Variants in FAHD2B observed in about 807,000 individuals in gnomAD.
The protein encoded by FAHD2B is oxaloacetate tautomerase FAHD2B, mitochondrial.
In FAHD2B, 26 loss-of-function variants were observed where a neutral mutation model predicts 33.7. The observed-to-expected ratio is 0.77, with a 90% CI of 0.57 to 1.07. The LOEUF (loss-of-function observed/expected upper bound fraction) is 1.07, where lower values mean the gene tolerates loss of function less well. Ranked by LOEUF, FAHD2B falls within the 50% of genes least tolerant of loss-of-function variation. The pLI, the probability that FAHD2B is intolerant of heterozygous loss-of-function variation, is 0.00. For synonymous variants in FAHD2B, 108 were observed against 150.9 expected, an observed-to-expected ratio of 0.72 and a Z score of 2.08; for missense variants, 272 against 388.1, an observed-to-expected ratio of 0.70 and a Z score of 2.51.
At chr2:97,093,144 G>A (rs2032453474) in intron 1 of FAHD2B, among the ~76,000 whole-genome samples, 1 of 152,008 alleles carries the variant, frequency 6.6e-6, no homozygotes, top group Non-Finnish European at 1.5e-5. Context: ...AACAAAGGCA[G>A]TTTGTATTGT....
Position 97,091,724 on chromosome 2 carries a change from A to AAC in FAHD2B, c.-6-14_-6-13dup. The AAC allele has an allele frequency of 6.2e-7, 1 of 1,602,004 alleles. No homozygotes were observed. The highest frequency in any genetic ancestry group is 8.5e-7 in the Non-Finnish European group (1 of 1,172,150). On this transcript the variant is annotated splice_polypyrimidine_tract_variant and intron_variant, in intron 2 of 8. Coordinates refer to ENST00000414820, the MANE Select transcript of FAHD2B (RefSeq NM_001320848.2). ...ACCAGCATCAGAGCCTGCAGAGAAA[A>AAC]ACACAGGATCCAGGAGATGGAGGAT...
At chr2:97,080,440 G>T (rs1465818771), downstream of FAHD2B, among the ~76,000 whole-genome samples, 1 of 151,962 alleles carries the variant, frequency 6.6e-6, no homozygotes, top group Non-Finnish European at 1.5e-5. Flanking sequence ...TGTTCCATTG[G>T]TCTATGTGTC....
Position 97,083,993 on chromosome 2 carries a change from G to C in FAHD2B, c.837C>G (p.Thr279=), listed in dbSNP as rs113222096. 5.6e-6 allele frequency: 9 copies of C among 1,613,806 alleles called. No individual in the cohort carries two copies. The South Asian group carries it at 9.9e-5, about 18-fold the overall frequency. The change falls in exon 8 of 9, where the codon ACC becomes ACG. Residue 279 remains threonine (T), a synonymous_variant. Coordinates refer to ENST00000414820, the MANE Select transcript of FAHD2B (RefSeq NM_001320848.2). ...TCCTGAATACACCGACACCTGGGGG[G>C]GTCCCAGTTAGGATGACATCCCCTG... is the stretch of plus-strand genomic sequence containing the variant. ...FYPGDVILTG[T]PPGVGVFRKP...
intron 1 of FAHD2B, among the ~76,000 whole-genome samples, chr2:97,094,500 C>T: frequency 1.0e-5 from 1 of 97,800 alleles, no homozygotes; most frequent in Non-Finnish European, 2.1e-5. Flanking sequence ...CACGTCGGAT[C>T]CCATCCCACC....
At chr2:97,093,471 CTTTTTTTTTT>C (rs34927915) in intron 1 of FAHD2B, among the ~76,000 whole-genome samples, 20 of 92,108 alleles carry the variant, frequency 2.2e-4, no homozygotes, top group Admixed American at 5.9e-4. Flanking sequence ...TGATTTAATT[CTTTTTTTTTT>C]TTTTTTTTTT....
downstream of FAHD2B, among the ~76,000 whole-genome samples, chr2:97,079,352 T>C (rs969641953): frequency 1.3e-5 from 2 of 152,140 alleles, no homozygotes; most frequent in Non-Finnish European, 2.9e-5. Flanking sequence ...CATCACACTG[T>C]TTTCCACAAT....
chr2:97,093,132 C>A (rs1574385653), intron 1 of FAHD2B, among the ~76,000 whole-genome samples: 2 of 152,054 alleles, frequency 1.3e-5, no homozygotes, highest in Admixed American at 1.3e-4. Context: ...CCTTGCTCTT[C>A]CAACAAAGGC....
downstream of FAHD2B, chr2:97,081,061 G>A: frequency 6.7e-7 from 1 of 1,487,626 alleles, no homozygotes; most frequent in Non-Finnish European, 9.0e-7. Flanking sequence ...CAGTGGTGAA[G>A]GGAACGGCTC....
chr2:97,083,985 C>A lies in FAHD2B; in HGVS notation c.845G>T (p.Gly282Val), dbSNP rs1164786731. The A allele has an allele frequency of 6.2e-7, 1 of 1,613,840 alleles. No homozygotes were observed. The highest frequency in any genetic ancestry group is 8.5e-7 in the Non-Finnish European group (1 of 1,179,980). Residue 282 changes from glycine to valine, a missense_variant, in exon 8 of 9, where the codon GGT becomes GTT. Transcript: ENST00000414820. ...AGGAGGTTTCCTGAATACACCGACA[C>A]CTGGGGGGGTCCCAGTTAGGATGAC... Reference protein sequence around the residue: ...GDVILTGTPPGVGVFRKPPVF... With the variant: ...GDVILTGTPPVVGVFRKPPVF...
At chr2:97,089,821 A>G (rs547483255) in intron 4 of FAHD2B, 34 of 504,920 alleles carry the variant, frequency 6.7e-5, no homozygotes, top group African/African-American at 5.7e-4. Context: ...AGGTAGACAG[A>G]AAAACATTAA....
chr2:97,090,066 T>C, intron 4 of FAHD2B, 43 bp downstream of exon 4: 1 of 1,472,798 alleles, frequency 6.8e-7, no homozygotes, highest in Non-Finnish European at 9.3e-7. Context: ...AATGCCCTTG[T>C]GATGGGCCCA....
chr2:97,087,053 T>A (rs561194258), intron 4 of FAHD2B: 1 of 152,058 alleles, frequency 6.6e-6, no homozygotes, highest in African/African-American at 2.4e-5. Context: ...GGGAGGCAGC[T>A]TTTTTTCTTT....
In FAHD2B at chr2:97,084,341, C is replaced by T. The variant is rs541630279; in HGVS notation, c.686-64G>A. ...CCCCCTCAAACCCCCCAGTGTTTTA[C>T]AAACACAACTGTAGGGGCGCTTCGT... On this transcript the variant is annotated intron_variant, in intron 6 of 8. Transcript: ENST00000414820. The T allele has an allele frequency of 3.1e-6, 5 of 1,593,734 alleles. No individual in the cohort carries two copies. In the Admixed American group the frequency reaches 5.1e-5, roughly 16 times the overall value.
chr2:97,088,228 C>A (rs965391995), intron 4 of FAHD2B, among the ~76,000 whole-genome samples: 3 of 152,180 alleles, frequency 2.0e-5, no homozygotes, highest in Non-Finnish European at 4.4e-5. Flanking sequence ...GCAAAACAGA[C>A]CATATGACAC....
intron 5 of FAHD2B, 51 bp from the exon 6 acceptor site, chr2:97,085,912 C>T: frequency 6.2e-7 from 1 of 1,608,588 alleles, no homozygotes; most frequent in Non-Finnish European, 8.5e-7. Flanking sequence ...ACGGGTGACA[C>T]CAACACCTGT....
chr2:97,083,630 C>T lies in FAHD2B; in HGVS notation c.*125G>A. On this transcript the variant is annotated 3_prime_UTR_variant, in exon 9 of 9. Coordinates refer to ENST00000414820, the MANE Select transcript of FAHD2B (RefSeq NM_001320848.2). ...TATTGAAGAGAGCTCTGTCCTTCTC[C>T]CTTCTACCGAGAAGAGGCGGCTTGC... The T allele has an allele frequency of 6.8e-7, 1 of 1,464,400 alleles. No individual in the cohort carries two copies. The highest frequency in any genetic ancestry group is 9.4e-7 in the Non-Finnish European group (1 of 1,064,974). The allele number at this position is 1,464,400 out of a possible 1,614,324, so 90.7% of individuals were successfully genotyped here.
chr2:97,086,707 C>G (rs2032012022), intron 4 of FAHD2B: 1 of 155,058 alleles, frequency 6.4e-6, no homozygotes. Context: ...ATAAAATACA[C>G]TATAAAATAG....
chr2:97,082,630 A>G, downstream of FAHD2B: 1 of 1,543,074 alleles, frequency 6.5e-7, no homozygotes, highest in East Asian at 2.2e-5. Flanking sequence ...TCTTTAAACA[A>G]GAGGAGAGAA....
chr2:97,082,388 C>G, downstream of FAHD2B: 2 of 1,613,682 alleles, frequency 1.2e-6, no homozygotes, highest in Non-Finnish European at 1.7e-6. Context: ...TAGGTCTTCT[C>G]TCTTCTGCAG....
Sources: allele counts gnomAD v4.1 joint callset (sites outside exome capture counted in the v4.1 genomes callset), GRCh38; gene constraint gnomAD v4.1.1; transcripts MANE v1.5; gene names NCBI Gene and HGNC (gene_info 2026-07-23, HGNC 2026-07-21).